Variants in AUTS2 observed in about 807,000 individuals in gnomAD.
AUTS2 encodes activator of transcription and developmental regulator AUTS2.
Under a neutral mutation model 112.4 loss-of-function variants are expected in AUTS2, and 17 were observed. That is an observed-to-expected ratio of 0.15 (90% CI 0.10 to 0.23). The LOEUF (loss-of-function observed/expected upper bound fraction) is 0.23, where lower values mean the gene tolerates loss of function less well. Among genes scored for constraint, AUTS2 ranks in the 10% least tolerant of loss-of-function variants. The pLI is 1.00. For missense variants in AUTS2, 1,510 were observed against 1,701.6 expected, an observed-to-expected ratio of 0.89 and a Z score of 1.98; for synonymous variants, 751 against 702.7, an observed-to-expected ratio of 1.07 and a Z score of -1.09.
intron 1 of AUTS2, among the ~76,000 whole-genome samples, chr7:69,613,114 C>G (rs553976643): frequency 6.6e-6 from 1 of 152,270 alleles, no homozygotes; most frequent in South Asian, 2.1e-4. Flanking sequence ...TGGCCAGGAT[C>G]AGTATAAGAG....
At chr7:69,931,191 C>G (rs1355150138) in intron 2 of AUTS2, among the ~76,000 whole-genome samples, 1 of 151,812 alleles carries the variant, frequency 6.6e-6, no homozygotes, top group Non-Finnish European at 1.5e-5. Context: ...TGGTGTGCTG[C>G]TTGAAACCAG....
chr7:70,484,199 A>G (rs1797896874), intron 5 of AUTS2, among the ~76,000 whole-genome samples: 1 of 152,202 alleles, frequency 6.6e-6, no homozygotes, highest in South Asian at 2.1e-4. Flanking sequence ...CCATCTAACC[A>G]TCCATCCTTT....
chr7:70,239,665 C>T (rs1256903795), intron 4 of AUTS2, among the ~76,000 whole-genome samples: 1 of 152,106 alleles, frequency 6.6e-6, no homozygotes, highest in Non-Finnish European at 1.5e-5. Context: ...GAACTCCTGA[C>T]CTCAGGTGAT....
intron 12 of AUTS2, chr7:70,774,751 C>CT (rs1005797643): frequency 6.6e-6 from 1 of 152,448 alleles, no homozygotes; most frequent in African/African-American, 2.4e-5. Flanking sequence ...ATGAAAAAAT[C>CT]TTTAACAATA....
At chr7:70,171,867 A>G (rs893011707) in intron 4 of AUTS2, among the ~76,000 whole-genome samples, 2 of 151,244 alleles carry the variant, frequency 1.3e-5, no homozygotes, top group African/African-American at 4.9e-5. Context: ...GGAAATTGCT[A>G]CAGAATGTAG....
At chr7:70,165,694 C>T (rs941050290) in intron 4 of AUTS2, among the ~76,000 whole-genome samples, 3 of 152,072 alleles carry the variant, frequency 2.0e-5, no homozygotes, top group Admixed American at 6.6e-5. Context: ...AGCAGGAGTA[C>T]GCTGCTCTAT....
intron 2 of AUTS2, among the ~76,000 whole-genome samples, chr7:69,940,128 A>G (rs1203189803): frequency 6.6e-6 from 1 of 152,132 alleles, no homozygotes; most frequent in Non-Finnish European, 1.5e-5. Context: ...AAAGAGACTA[A>G]CTCCCACAAG....
intron 1 of AUTS2, among the ~76,000 whole-genome samples, chr7:69,741,526 G>A (rs972898390): frequency 5.3e-5 from 8 of 151,986 alleles, no homozygotes; most frequent in Non-Finnish European, 8.8e-5. Context: ...GCAATGTGGC[G>A]AAACCCTGCC....
At chr7:69,707,404 T>C (rs1366925173) in intron 1 of AUTS2, among the ~76,000 whole-genome samples, 1 of 152,162 alleles carries the variant, frequency 6.6e-6, no homozygotes, top group African/African-American at 2.4e-5. Context: ...GAACTCAGAG[T>C]ATGCTGCTAA....
chr7:69,981,793 T>C (rs948660003), intron 2 of AUTS2, among the ~76,000 whole-genome samples: 2 of 152,228 alleles, frequency 1.3e-5, no homozygotes, highest in Non-Finnish European at 2.9e-5. Flanking sequence ...AGAGCATTAG[T>C]AGGTCACTAA....
intron 6 of AUTS2, among the ~76,000 whole-genome samples, chr7:70,731,332 T>A (rs1208256766): frequency 6.6e-6 from 1 of 151,588 alleles, no homozygotes; most frequent in Admixed American, 6.6e-5. Context: ...TTTTTTTTTT[T>A]ACTTTTTATT....
chr7:70,535,861 G>A (rs1207692985), intron 5 of AUTS2, among the ~76,000 whole-genome samples: 1 of 152,176 alleles, frequency 6.6e-6, no homozygotes. Context: ...TAAAGAGGAT[G>A]GTAGGTGAGA....
At chr7:69,984,918 G>A (rs1393124663) in intron 2 of AUTS2, among the ~76,000 whole-genome samples, 1 of 152,184 alleles carries the variant, frequency 6.6e-6, no homozygotes, top group African/African-American at 2.4e-5. Flanking sequence ...ACCAGAATCT[G>A]GGGGTGATTT....
intron 1 of AUTS2, among the ~76,000 whole-genome samples, chr7:69,716,909 G>A (rs561693760): frequency 9.9e-5 from 15 of 152,260 alleles, no homozygotes; most frequent in South Asian, 6.2e-4. Flanking sequence ...GAAGAGATGC[G>A]TAGGGCAAGA....
At chr7:70,503,785 C>T (rs1798859268) in intron 5 of AUTS2, among the ~76,000 whole-genome samples, 1 of 150,370 alleles carries the variant, frequency 6.7e-6, no homozygotes, top group Non-Finnish European at 1.5e-5. Context: ...TCCCAAAATG[C>T]TGAGATTACA....
intron 1 of AUTS2, among the ~76,000 whole-genome samples, chr7:69,681,232 C>T (rs1038782008): frequency 2.0e-5 from 3 of 152,212 alleles, no homozygotes; most frequent in African/African-American, 7.2e-5. Context: ...GCAAATTTCT[C>T]TTCAAGATCC....
At position 70,787,218 on chromosome 7, in the gene AUTS2, C is replaced by T; in HGVS notation, c.2318C>T (p.Ser773Leu). 6.2e-7 allele frequency: 1 copy of T among 1,614,196 alleles called. No homozygotes were observed. Among genetic ancestry groups the T allele is most frequent in the East Asian group, 2.2e-5 (1 of 44,866 alleles). ...CACTTCACCATTTCAGCACCCAACT[C>T]AATGTTCGGCCACAAGGATGGCCCC... ...GLGNPSVTPN[S>L]MFGHKDGPSV... is the part of the protein sequence containing the mutation. The change falls in exon 18 of 19, where the codon TCA becomes TTA. Residue 773 changes from serine to leucine, a missense_variant. Ser to Leu is a moderately radical substitution (Grantham distance 145). Coordinates refer to ENST00000342771, the MANE Select transcript of AUTS2 (RefSeq NM_015570.4).
chr7:70,541,652 A>G (rs568303712), intron 5 of AUTS2, among the ~76,000 whole-genome samples: 1 of 152,378 alleles, frequency 6.6e-6, no homozygotes, highest in East Asian at 1.9e-4. Flanking sequence ...CTGGGGATAC[A>G]GCAGGAAATC....
At chr7:69,722,394 T>TTG (rs3072323) in intron 1 of AUTS2, among the ~76,000 whole-genome samples, 3 of 151,738 alleles carry the variant, frequency 2.0e-5, no homozygotes, top group Non-Finnish European at 4.4e-5. Flanking sequence ...TTTTTTTTTT[T>TTG]GAGACCAAGT....
Sources: gnomAD v4.1 joint callset for allele counts (sites outside exome capture counted in the v4.1 genomes callset) on GRCh38, gnomAD v4.1.1 for gene constraint, MANE v1.5 for transcripts, NCBI Gene and HGNC (gene_info 2026-07-23, HGNC 2026-07-21) for gene names.